GABARAPL1: variants seen among roughly 807,000 people sequenced by gnomAD.
GABARAPL1 encodes GABA type A receptor associated protein like 1.
Under a neutral mutation model 14.5 loss-of-function variants are expected in GABARAPL1, and 4 were observed. The observed-to-expected ratio is 0.28, with a 90% CI of 0.14 to 0.63. The LOEUF (loss-of-function observed/expected upper bound fraction) is 0.63. Among genes scored for constraint, GABARAPL1 ranks in the 30% least tolerant of loss-of-function variants. The pLI, the probability that GABARAPL1 is intolerant of heterozygous loss-of-function variation, is 0.84. For missense variants in GABARAPL1, 82 were observed against 139.2 expected, an observed-to-expected ratio of 0.59 and a Z score of 2.07; for synonymous variants, 47 against 50.6, an observed-to-expected ratio of 0.93 and a Z score of 0.30.
chr12:10,214,002 A>C (rs1267435148), intron 1 of GABARAPL1: 1 of 364,782 alleles, frequency 2.7e-6, no homozygotes, highest in Non-Finnish European at 5.7e-6. Context: ...AGTATTAGGT[A>C]TCTTTCAGCA....
intron 2 of GABARAPL1, among the ~76,000 whole-genome samples, chr12:10,218,871 G>C (rs1003084017): frequency 3.6e-4 from 55 of 151,522 alleles, no homozygotes; most frequent in Non-Finnish European, 7.5e-4. Flanking sequence ...ACCATACCCG[G>C]CTACTTTTTT....
At chr12:10,215,346 G>A (rs777360084) in intron 1 of GABARAPL1, among the ~76,000 whole-genome samples, 1 of 152,196 alleles carries the variant, frequency 6.6e-6, no homozygotes, top group Non-Finnish European at 1.5e-5. Flanking sequence ...TGCCTTCAGA[G>A]AGGAAGGGTT....
intron 1 of GABARAPL1, 144 bp downstream of exon 1, chr12:10,213,363 G>A: frequency 4.2e-6 from 3 of 707,386 alleles, no homozygotes; most frequent in Non-Finnish European, 7.8e-6. Context: ...GCCCTTCAGT[G>A]CCAGAGCCAA....
chr12:10,218,514 A>T (rs183987495), intron 2 of GABARAPL1, among the ~76,000 whole-genome samples: 1 of 152,042 alleles, frequency 6.6e-6, no homozygotes, highest in East Asian at 2.0e-4. Context: ...CAGAGCTTGC[A>T]GTGAGCCGAG....
intron 2 of GABARAPL1, among the ~76,000 whole-genome samples, chr12:10,219,854 A>G (rs1043243016): frequency 6.6e-6 from 1 of 152,196 alleles, no homozygotes; most frequent in East Asian, 1.9e-4. Context: ...TTAATGGAAT[A>G]CACACTGCAT....
At position 10,222,014 on chromosome 12, in the gene GABARAPL1, C is replaced by A; in HGVS notation, c.*162C>A. On this transcript the variant is annotated 3_prime_UTR_variant, in exon 4 of 4. Transcript: ENST00000266458. Reference sequence around the variant, plus strand: ...CACACCGTCATCACATTTTCACATGCTCAATTGATATTTTTTGCTGCTTCC... The same window carrying A: ...CACACCGTCATCACATTTTCACATGATCAATTGATATTTTTTGCTGCTTCC... 1.5e-6 allele frequency: 1 copy of A among 645,830 alleles called. No individual in the cohort carries two copies. 40.0% of individuals were successfully genotyped at this position (645,830 alleles called of 1,614,324 possible). A position where few individuals can be genotyped will look rare whatever the true frequency, so the allele number is the denominator to read the frequency against.
Position 10,217,844 on chromosome 12 carries a change from T to C in GABARAPL1, c.91-219T>C, listed in dbSNP as rs141947155. ...TCTTTTTACTTTTCATCATATACAA[T>C]CTCTAGTTTATTTTTATTTTAGTAA... On this transcript the variant is annotated intron_variant, in intron 1 of 3. Coordinates refer to ENST00000266458, the MANE Select transcript of GABARAPL1 (RefSeq NM_031412.4). Among the ~76,000 whole-genome samples, 162 of 152,312 alleles carry C rather than the reference T, an allele frequency of 1.1e-3. 1 individual carries two copies. The East Asian group carries it at 0.03, about 28-fold the overall frequency.
Position 10,221,783 on chromosome 12 carries a change from CT to C in GABARAPL1, c.289-3del, listed in dbSNP as rs1949121235. The C allele has an allele frequency of 2.5e-6, 4 of 1,613,758 alleles. No homozygotes were observed. The highest frequency in any genetic ancestry group is 2.5e-6 in the Non-Finnish European group (3 of 1,179,830). On this transcript the variant is annotated splice_polypyrimidine_tract_variant and splice_region_variant and intron_variant, in intron 3 of 3. Coordinates refer to ENST00000266458, the MANE Select transcript of GABARAPL1 (RefSeq NM_031412.4). ...CTAAACTGTTGTCTTATCTCTTCCC[CT>C]AGGACAATCATGAGGAAGACTATTT...
intron 3 of GABARAPL1, 134 bp downstream of exon 3, chr12:10,220,692 A>G (rs760415718): frequency 6.5e-7 from 1 of 1,545,752 alleles, no homozygotes; most frequent in South Asian, 1.2e-5. Context: ...CCTCTTACAT[A>G]TGGCAGTGTA....
intron 2 of GABARAPL1, among the ~76,000 whole-genome samples, chr12:10,219,804 A>G (rs932998855): frequency 2.6e-4 from 34 of 131,554 alleles, no homozygotes; most frequent in African/African-American, 1.2e-3. Context: ...TCTGTCTCGG[A>G]AAAAAAAAAA....
intron 1 of GABARAPL1, among the ~76,000 whole-genome samples, chr12:10,216,537 C>CTTT (rs71049067): frequency 1.8e-5 from 2 of 112,212 alleles, no homozygotes; most frequent in African/African-American, 7.0e-5. Context: ...ATTTTCTTTT[C>CTTT]TTTTTTTTTT....
intron 2 of GABARAPL1, among the ~76,000 whole-genome samples, chr12:10,220,226 C>T (rs1184550473): frequency 6.6e-6 from 1 of 152,134 alleles, no homozygotes; most frequent in Non-Finnish European, 1.5e-5. Context: ...GAATAAATTC[C>T]ACTATGGCAA....
At chr12:10,217,957 A>G (rs571585556) in intron 1 of GABARAPL1, 106 bp from the exon 2 acceptor site, 2 of 731,652 alleles carry the variant, frequency 2.7e-6, no homozygotes, top group African/African-American at 1.7e-5. Flanking sequence ...TCCTGGGCCT[A>G]GACAGATTCA....
intron 3 of GABARAPL1, 30 bp downstream of exon 3, chr12:10,220,588 G>A (rs759607433): frequency 1.1e-5 from 18 of 1,613,922 alleles, no homozygotes; most frequent in Middle Eastern, 1.7e-4. Context: ...AATACTGGAT[G>A]CCGTCCAGTG....
intron 3 of GABARAPL1, chr12:10,220,924 G>A: frequency 7.4e-7 from 1 of 1,344,736 alleles, no homozygotes; most frequent in Non-Finnish European, 9.5e-7. Flanking sequence ...AATTTGTAAT[G>A]CATTCAGAAT....
rs1949122712 is a variant in GABARAPL1 at position 10,222,034 on chromosome 12, GC to G, written c.*183del. The G allele has an allele frequency of 4.9e-6, 3 of 611,858 alleles. No homozygotes were observed. The African/African-American group carries it at 5.5e-5, about 11-fold the overall frequency. 37.9% of individuals were successfully genotyped at this position (611,858 alleles called of 1,614,324 possible). ...ACATGCTCAATTGATATTTTTTGCTGCTTCCTCGGCCCAGGGAGAAAGCATG... is the reference window on the plus strand; with the variant it reads ...ACATGCTCAATTGATATTTTTTGCTGTTCCTCGGCCCAGGGAGAAAGCATG... On this transcript the variant is annotated 3_prime_UTR_variant, in exon 4 of 4. Transcript: ENST00000266458.
chr12:10,214,566 A>T (rs1292623163), intron 1 of GABARAPL1: 1 of 152,234 alleles, frequency 6.6e-6, no homozygotes, highest in Admixed American at 6.5e-5. Flanking sequence ...AATGATATTT[A>T]AAAAATACAA....
At chr12:10,220,326 G>C in intron 2 of GABARAPL1, 114 bp from the exon 3 acceptor site, 1 of 1,471,746 alleles carries the variant, frequency 6.8e-7, no homozygotes, top group Non-Finnish European at 9.2e-7. Context: ...ATATAAAGCT[G>C]GTACTGACTC....
Position 10,218,195 on chromosome 12 carries a change from C to T in GABARAPL1, c.169+54C>T, listed in dbSNP as rs1949101201. 30 of 966,414 alleles carry T rather than the reference C, an allele frequency of 3.1e-5. No homozygotes were observed. In the South Asian group the frequency reaches 3.3e-4, roughly 11 times the overall value. 59.9% of individuals were successfully genotyped at this position (966,414 alleles called of 1,614,324 possible). Reference sequence around the variant, plus strand: ...CCTCCGGTGAAAAAACTCTCTAGATCCTCATTACATGCATGAGATTGTGAG... The same window carrying T: ...CCTCCGGTGAAAAAACTCTCTAGATTCTCATTACATGCATGAGATTGTGAG... On this transcript the variant is annotated intron_variant, in intron 2 of 3. Transcript: ENST00000266458.
Sources: allele counts gnomAD v4.1 joint callset (sites outside exome capture counted in the v4.1 genomes callset), GRCh38; gene constraint gnomAD v4.1.1; transcripts MANE v1.5; gene names NCBI Gene and HGNC (gene_info 2026-07-23, HGNC 2026-07-21).